The following NFIX variants were observed in gnomAD, a reference collection of about 807,000 sequenced individuals.
NFIX encodes nuclear factor 1 X-type.
In NFIX, 2 loss-of-function variants were observed where a neutral mutation model predicts 53.3. The observed-to-expected ratio is 0.04, with a 90% CI of 0.02 to 0.12. NFIX has a LOEUF of 0.12. NFIX is among the 10% of genes least tolerant of loss of function. The pLI, the probability that NFIX is intolerant of heterozygous loss-of-function variation, is 1.00. For missense variants in NFIX, 310 were observed against 674.5 expected (o/e 0.46, Z 5.99); for synonymous variants, 244 against 289.0 (o/e 0.84, Z 1.58).
intron 2 of NFIX, among the ~76,000 whole-genome samples, chr19:13,026,967 T>C (rs138758943): frequency 2.0e-5 from 3 of 152,290 alleles, no homozygotes; most frequent in Non-Finnish European, 2.9e-5. Context: ...CCTTGCCTGT[T>C]TGGGAAGTTG....
intron 6 of NFIX, among the ~76,000 whole-genome samples, chr19:13,077,680 A>G (rs1383994010): frequency 6.6e-6 from 1 of 152,090 alleles, no homozygotes; most frequent in African/African-American, 2.4e-5. Context: ...CAAGGGTGGC[A>G]GCTGTGAGAT....
chr19:13,055,336 C>T (rs751288538), intron 2 of NFIX, among the ~76,000 whole-genome samples: 3 of 152,114 alleles, frequency 2.0e-5, no homozygotes, highest in Non-Finnish European at 4.4e-5. Flanking sequence ...AGCCTGCCTG[C>T]CCTTCCCCGA....
chr19:13,075,894 G>A (rs1341981256), intron 6 of NFIX, among the ~76,000 whole-genome samples: 2 of 152,172 alleles, frequency 1.3e-5, no homozygotes, highest in Admixed American at 1.3e-4. Context: ...AGCAGAGCCC[G>A]TGGTATGGCG....
At chr19:13,070,078 G>C (rs1339432472) in intron 2 of NFIX, 1 of 152,294 alleles carries the variant, frequency 6.6e-6, no homozygotes, top group Non-Finnish European at 1.5e-5. Flanking sequence ...AGGTAAGAAA[G>C]CTGGCCCACG....
Position 13,066,610 on chromosome 19 carries a change from C to T in NFIX, c.560-6437C>T, listed in dbSNP as rs563214339. On this transcript the variant is annotated intron_variant, in intron 2 of 10. Coordinates refer to ENST00000592199, the MANE Select transcript of NFIX (RefSeq NM_001365902.3). This position sits in a 1 kb window ranked among gnomAD's most constrained non-coding sequence, Gnocchi z 4.2. Reference sequence around the variant, plus strand: ...CATGTTCCCCTGTCCTTATCCCTGCCCCCACCCACAGCTTGCGGGCTCTGC... The same window carrying T: ...CATGTTCCCCTGTCCTTATCCCTGCTCCCACCCACAGCTTGCGGGCTCTGC... 6.6e-6 allele frequency among the ~76,000 whole-genome samples: 1 copy of T among 152,288 alleles called. No individual in the cohort carries two copies. The highest frequency in any genetic ancestry group is 2.1e-4 in the South Asian group (1 of 4,818).
In NFIX at chr19:13,010,784, C is replaced by T. The variant is rs58871768; in HGVS notation, c.28-14237C>T. Among the ~76,000 whole-genome samples, 694 of 152,256 alleles carry T rather than the reference C, an allele frequency of 4.6e-3. 1 individual carries two copies. The highest frequency in any genetic ancestry group is 0.016 in the African/African-American group (672 of 41,532). On this transcript the variant is annotated intron_variant, in intron 1 of 10. Transcript: ENST00000592199. Reference sequence around the variant, plus strand: ...TGTTTCACATGAGTCACACACCTGCCAGGCCGCTCAGGGCATCTGGCTTCA... The same window carrying T: ...TGTTTCACATGAGTCACACACCTGCTAGGCCGCTCAGGGCATCTGGCTTCA...
At position 13,073,125 on chromosome 19, in the gene NFIX, C is replaced by T. The variant is rs2016865798; in HGVS notation, c.622+16C>T. 3 of 1,613,524 alleles carry T rather than the reference C, an allele frequency of 1.9e-6. No homozygotes were observed. The highest frequency in any genetic ancestry group is 1.1e-5 in the South Asian group (1 of 91,076). ...CTGCCCAACGGTCAGTGCCCCCCAC[C>T]TGCCCAGCTGCCCTTATCCTTCATG... is the stretch of plus-strand genomic sequence containing the variant. On this transcript the variant is annotated intron_variant, in intron 3 of 10. Transcript: ENST00000592199. This position sits in a 1 kb window ranked among gnomAD's most constrained non-coding sequence, Gnocchi z 4.5.
At chr19:13,053,108 C>T (rs1001234413) in intron 2 of NFIX, among the ~76,000 whole-genome samples, 6 of 152,160 alleles carry the variant, frequency 3.9e-5, no homozygotes, top group African/African-American at 1.2e-4. Flanking sequence ...AAGCAGAATG[C>T]GGGGTAGGGC....
At chr19:13,084,494 G>C (rs1456422273) in intron 8 of NFIX, among the ~76,000 whole-genome samples, 1 of 152,180 alleles carries the variant, frequency 6.6e-6, no homozygotes, top group Admixed American at 6.5e-5. Context: ...GACAATTGCA[G>C]AAGGGTTCCC....
chr19:13,059,348 G>C, intron 2 of NFIX, among the ~76,000 whole-genome samples: 1 of 152,184 alleles, frequency 6.6e-6, no homozygotes, highest in East Asian at 1.9e-4. Flanking sequence ...TCCTAGGCCA[G>C]AGCCCCCCAG....
At position 13,068,066 on chromosome 19, in the gene NFIX, C is replaced by T. The variant is rs1295062508; in HGVS notation, c.560-4981C>T. On this transcript the variant is annotated intron_variant, in intron 2 of 10. Coordinates refer to ENST00000592199, the MANE Select transcript of NFIX (RefSeq NM_001365902.3). This position sits in a 1 kb window ranked among gnomAD's most constrained non-coding sequence, Gnocchi z 4.2. ...CTTGCAGTGAGCCGAGATCGCACCA[C>T]TGCACTCCAGCCTGGGTGACAGAGC... 6.6e-6 allele frequency among the ~76,000 whole-genome samples: 1 copy of T among 151,928 alleles called. No individual in the cohort carries two copies. Among genetic ancestry groups the T allele is most frequent in the Non-Finnish European group, 1.5e-5 (1 of 67,986 alleles).
rs1359851595 is a variant in NFIX, at chr19:13,022,654, A to G, written c.28-2367A>G. ...AAAGAGAGTGTGCAGGCCCGAGAGA[A>G]AGACTGAAACCAAAACACAGAGAGA... On this transcript the variant is annotated intron_variant, in intron 1 of 10. Coordinates refer to ENST00000592199, the MANE Select transcript of NFIX (RefSeq NM_001365902.3). This position sits in a 1 kb window ranked among gnomAD's most constrained non-coding sequence, Gnocchi z 4.5. Among the ~76,000 whole-genome samples the G allele has an allele frequency of 6.6e-6, 1 of 152,014 alleles. No individual in the cohort carries two copies. The highest frequency in any genetic ancestry group is 1.9e-4 in the East Asian group (1 of 5,190).
At position 13,013,390 on chromosome 19, in the gene NFIX, G is replaced by C. The variant is rs958431596; in HGVS notation, c.28-11631G>C. Among the ~76,000 whole-genome samples the C allele has an allele frequency of 1.3e-5, 2 of 152,116 alleles. No homozygotes were observed. The highest frequency in any genetic ancestry group is 6.6e-5 in the Admixed American group (1 of 15,262). The stretch of plus-strand genomic sequence containing the variant: ...CCCGTCCCCAGTCCCCTCGGAAGCC[G>C]GTCATAAACCCGACTTCTCATCACC... On this transcript the variant is annotated intron_variant, in intron 1 of 10. Coordinates refer to ENST00000592199, the MANE Select transcript of NFIX (RefSeq NM_001365902.3). The surrounding 1 kb of genome is among the most constrained non-coding windows in gnomAD (Gnocchi z 5.9).
Position 13,093,362 on chromosome 19 carries a change from A to C in NFIX, c.1495-1273A>C, listed in dbSNP as rs1042634257. Among the ~76,000 whole-genome samples, 3 of 152,236 alleles carry C rather than the reference A, an allele frequency of 2.0e-5. No individual in the cohort carries two copies. The highest frequency in any genetic ancestry group is 7.2e-5 in the African/African-American group (3 of 41,458). On this transcript the variant is annotated intron_variant, in intron 10 of 10. Transcript: ENST00000592199. The surrounding 1 kb of genome is among the most constrained non-coding windows in gnomAD (Gnocchi z 4.7). Reference sequence around the variant, plus strand: ...CCAAAGCAATGTTTTAAATATTGGAAATTTTCACACGAAATTCTGTTTGGG... The same window carrying C: ...CCAAAGCAATGTTTTAAATATTGGACATTTTCACACGAAATTCTGTTTGGG...
intron 2 of NFIX, among the ~76,000 whole-genome samples, chr19:13,069,492 G>T (rs1599835479): frequency 6.6e-6 from 1 of 152,252 alleles, no homozygotes; most frequent in Admixed American, 6.5e-5. Flanking sequence ...CCCAGTGAGA[G>T]AGCAGACACT....
chr19:13,021,419 G>C lies in NFIX; in HGVS notation c.28-3602G>C, dbSNP rs1486753399. 6.6e-6 allele frequency among the ~76,000 whole-genome samples: 1 copy of C among 152,124 alleles called. No individual in the cohort carries two copies. Among genetic ancestry groups the C allele is most frequent in the Non-Finnish European group, 1.5e-5 (1 of 68,010 alleles). On this transcript the variant is annotated intron_variant, in intron 1 of 10. Transcript: ENST00000592199. This position sits in a 1 kb window ranked among gnomAD's most constrained non-coding sequence, Gnocchi z 4.2. ...TGTCAGGGTTCAGCGCCAGCCCAGG[G>C]CTGGATGTTTTATTTTGGCATGCCC...
At position 13,037,548 on chromosome 19, in the gene NFIX, G is replaced by T. The variant is rs191224940; in HGVS notation, c.559+11996G>T. 6.6e-6 allele frequency among the ~76,000 whole-genome samples: 1 copy of T among 152,256 alleles called. No individual in the cohort carries two copies. Among genetic ancestry groups the T allele is most frequent in the Admixed American group, 6.5e-5 (1 of 15,294 alleles). On this transcript the variant is annotated intron_variant, in intron 2 of 10. Coordinates refer to ENST00000592199, the MANE Select transcript of NFIX (RefSeq NM_001365902.3). The surrounding 1 kb of genome is among the most constrained non-coding windows in gnomAD (Gnocchi z 4.2). ...GTGTATGGGAGATTGCTTCATATAGGGTGGGGAAGAACTAGTCTTCATAGC... is the reference window on the plus strand; with the variant it reads ...GTGTATGGGAGATTGCTTCATATAGTGTGGGGAAGAACTAGTCTTCATAGC...
rs1194277529 is a variant in NFIX at position 13,081,145 on chromosome 19, AAAAG to A, written c.1079-534_1079-531del. ...CAAAATCTCATCTCTAGAAAAAAAA[AAAAG>A]CAAAAATCTACCAGGCCTGGTGGCG... On this transcript the variant is annotated intron_variant, in intron 7 of 10. Coordinates refer to ENST00000592199, the MANE Select transcript of NFIX (RefSeq NM_001365902.3). This position sits in a 1 kb window ranked among gnomAD's most constrained non-coding sequence, Gnocchi z 4.7. 2.6e-5 allele frequency among the ~76,000 whole-genome samples: 4 copies of A among 151,842 alleles called. No individual in the cohort carries two copies. The highest frequency in any genetic ancestry group is 5.9e-5 in the Non-Finnish European group (4 of 67,952).
intron 2 of NFIX, among the ~76,000 whole-genome samples, chr19:13,055,670 C>T (rs1362176744): frequency 3.3e-5 from 5 of 152,220 alleles, no homozygotes; most frequent in African/African-American, 4.8e-5. Flanking sequence ...CTGCTCGCCC[C>T]GGGCCTAGCT....
Sources: allele counts gnomAD v4.1 joint callset (sites outside exome capture counted in the v4.1 genomes callset), GRCh38; gene constraint gnomAD v4.1.1; non-coding constraint Gnocchi (gnomAD v3.1); transcripts MANE v1.5; gene names NCBI Gene and HGNC (gene_info 2026-07-23, HGNC 2026-07-21).